The following SDHA variants were observed in gnomAD, a reference collection of about 807,000 sequenced individuals.
The protein encoded by SDHA is succinate dehydrogenase [ubiquinone] flavoprotein subunit, mitochondrial.
Under a neutral mutation model 78.4 loss-of-function variants are expected in SDHA, and 48 were observed. That is an observed-to-expected ratio of 0.61 (90% CI 0.49 to 0.78). The LOEUF is 0.78. Among genes scored for constraint, SDHA ranks in the 30% least tolerant of loss-of-function variants. SDHA has a pLI of 0.00. For synonymous variants in SDHA, 326 were observed against 353.9 expected (o/e 0.92, Z 0.88); for missense variants, 680 against 892.7 (o/e 0.76, Z 3.04).
At chr5:249,412 G>GA (rs963673248) in intron 11 of SDHA, 3 of 165,532 alleles carry the variant, frequency 1.8e-5, no homozygotes, top group African/African-American at 7.2e-5. Context: ...ACATGCTCTT[G>GA]ATGGCCATGA....
chr5:224,128 C>G (rs1283182060), intron 2 of SDHA, among the ~76,000 whole-genome samples: 4 of 152,158 alleles, frequency 2.6e-5, no homozygotes, highest in Non-Finnish European at 5.9e-5. Flanking sequence ...CAGTCTGACC[C>G]CATGGGATAG....
intron 2 of SDHA, among the ~76,000 whole-genome samples, chr5:224,101 A>G (rs1222110130): frequency 1.2e-4 from 19 of 152,194 alleles, no homozygotes; most frequent in Non-Finnish European, 1.5e-5. Context: ...ACGGCCCTGA[A>G]GTAGAGTTGT....
chr5:266,745 C>T, the SDHA span, among the ~76,000 whole-genome samples: 3 of 152,098 alleles, frequency 2.0e-5, no homozygotes, highest in Admixed American at 1.3e-4. Context: ...TGCACCGTCC[C>T]GTGCAGTAGA....
At chr5:247,461 A>G (rs779894399) in intron 11 of SDHA, among the ~76,000 whole-genome samples, 2 of 152,208 alleles carry the variant, frequency 1.3e-5, no homozygotes, top group Non-Finnish European at 2.9e-5. Context: ...ACACTTTCAC[A>G]ATTTAACCCG....
chr5:257,817 G>C (rs554308138), downstream of SDHA, among the ~76,000 whole-genome samples: 2 of 43,742 alleles, frequency 4.6e-5, no homozygotes, highest in African/African-American at 1.6e-4. Flanking sequence ...AGCATTACTG[G>C]GTGAGCTCCA....
At chr5:241,649 C>T (rs1736148435) in intron 11 of SDHA, among the ~76,000 whole-genome samples, 1 of 152,236 alleles carries the variant, frequency 6.6e-6, no homozygotes, top group Admixed American at 6.5e-5. Context: ...AATGAGATCT[C>T]TTGCCTACTA....
intron 6 of SDHA, among the ~76,000 whole-genome samples, chr5:228,855 T>C (rs560095980): frequency 1.3e-5 from 2 of 152,150 alleles, no homozygotes; most frequent in East Asian, 3.9e-4. Context: ...AAACCATATG[T>C]GTAATAATAT....
At chr5:242,877 C>T (rs1480862817) in intron 11 of SDHA, among the ~76,000 whole-genome samples, 2 of 152,104 alleles carry the variant, frequency 1.3e-5, no homozygotes, top group South Asian at 2.1e-4. Context: ...GAGAGTATAA[C>T]GAAGTAACAG....
intron 1 of SDHA, 32 bp from the exon 2 acceptor site, chr5:223,450 A>C: frequency 1.4e-6 from 2 of 1,473,944 alleles, no homozygotes; most frequent in South Asian, 2.3e-5. Flanking sequence ...CAGGACACTA[A>C]CCCTCTGGAT....
At chr5:244,250 C>G (rs924315488) in intron 11 of SDHA, among the ~76,000 whole-genome samples, 3 of 151,434 alleles carry the variant, frequency 2.0e-5, no homozygotes, top group African/African-American at 7.3e-5. Context: ...GGGGAACCCC[C>G]ACCAAAGGTC....
chr5:224,870 C>T (rs1734920179), intron 3 of SDHA: 7 of 378,110 alleles, frequency 1.9e-5, no homozygotes, highest in South Asian at 1.6e-4. Flanking sequence ...AAGAAAAGGG[C>T]AAGGGTTTCA....
At chr5:257,622 C>T (rs1354227195), downstream of SDHA, among the ~76,000 whole-genome samples, 1 of 118,760 alleles carries the variant, frequency 8.4e-6, no homozygotes, top group Admixed American at 8.1e-5. Context: ...CCTGCCAGAG[C>T]ATTACTGGGT....
intron 7 of SDHA, among the ~76,000 whole-genome samples, chr5:231,847 T>C (rs1007719514): frequency 6.6e-5 from 10 of 152,166 alleles, no homozygotes; most frequent in African/African-American, 1.7e-4. Flanking sequence ...CCATGTGACA[T>C]TGGGCGCTGG....
rs2126542270 is a variant in SDHA at position 224,357 on chromosome 5, C to T, written c.151-3C>T. 1.2e-6 allele frequency: 2 copies of T among 1,612,902 alleles called. No individual in the cohort carries two copies. Among genetic ancestry groups the T allele is most frequent in the Non-Finnish European group, 1.7e-6 (2 of 1,179,630 alleles). On this transcript the variant is annotated splice_region_variant and splice_polypyrimidine_tract_variant and intron_variant, in intron 2 of 14. Transcript: ENST00000264932. ...GATTGACAGGTGAATTTTTCTTTTC[C>T]AGATTTCTGCTCAGTATCCAGTAGT...
At position 254,507 on chromosome 5, in the gene SDHA, G is replaced by A. The variant is rs964942421; in HGVS notation, c.1908+1G>A. 1 of 1,557,146 alleles carries A rather than the reference G, an allele frequency of 6.4e-7. No homozygotes were observed. The highest frequency in any genetic ancestry group is 1.4e-5 in the African/African-American group (1 of 72,284). On this transcript the variant is annotated splice_donor_variant, in intron 14 of 14. Transcript: ENST00000264932. LOFTEE classifies it high-confidence loss of function. ...CTATGTGGACGTTGGCACTGGGAAG[G>A]TCAGTGTGGAGCTCGTTCTCACCAC...
Position 236,477 on chromosome 5 carries a change from C to T in SDHA, c.1310C>T (p.Ala437Val). 1 of 1,613,944 alleles carries T rather than the reference C, an allele frequency of 6.2e-7. No homozygotes were observed. Among genetic ancestry groups the T allele is most frequent in the South Asian group, 1.1e-5 (1 of 91,074 alleles). Residue 437 changes from alanine (A) to valine (V), a missense_variant, in exon 10 of 15, where the codon GCC (alanine) becomes GTC (valine). Transcript: ENST00000264932. ...GATCAGATTGTGCCCGGCCTGTACGCCTGTGGGGAGGCCGCCTGTGCCTCG... is the reference window on the plus strand; with the variant it reads ...GATCAGATTGTGCCCGGCCTGTACGTCTGTGGGGAGGCCGCCTGTGCCTCG... The part of the protein sequence containing the change: ...GQDQIVPGLY[A>V]CGEAACASVH...
At chr5:253,756 A>C (rs1330088543) in intron 13 of SDHA, among the ~76,000 whole-genome samples, 1 of 152,146 alleles carries the variant, frequency 6.6e-6, no homozygotes, top group African/African-American at 2.4e-5. Flanking sequence ...TTAGTTGGTC[A>C]CAGTCAGTTT....
At chr5:246,636 T>C (rs1179899035) in intron 11 of SDHA, among the ~76,000 whole-genome samples, 1 of 152,270 alleles carries the variant, frequency 6.6e-6, no homozygotes, top group Non-Finnish European at 1.5e-5. Flanking sequence ...AGCAAGATTT[T>C]GTAGAATGGC....
intron 11 of SDHA, chr5:250,747 C>T: frequency 2.2e-6 from 1 of 464,718 alleles, no homozygotes; most frequent in Non-Finnish European, 4.0e-6. Context: ...CTGTATCCTG[C>T]TGGAAAGGAT....
Sources: gnomAD v4.1 joint callset for allele counts (sites outside exome capture counted in the v4.1 genomes callset) on GRCh38, gnomAD v4.1.1 for gene constraint, MANE v1.5 for transcripts, NCBI Gene and HGNC (gene_info 2026-07-23, HGNC 2026-07-21) for gene names.